The following RPS6KA3 variants were observed in gnomAD, a reference collection of about 807,000 sequenced individuals.
The protein encoded by RPS6KA3 is ribosomal protein S6 kinase alpha-3.
Under a neutral mutation model 67.2 loss-of-function variants are expected in RPS6KA3, and 4 were observed. That is an observed-to-expected ratio of 0.06 (90% CI 0.03 to 0.14). The LOEUF (loss-of-function observed/expected upper bound fraction) is 0.14, where lower values mean the gene tolerates loss of function less well. RPS6KA3 is among the 10% of genes least tolerant of loss of function. The probability of loss-of-function intolerance (pLI) is 1.00; values close to 1 mark genes in which losing one functional copy is unlikely to be tolerated. For synonymous variants in RPS6KA3, 182 were observed against 183.7 expected, an observed-to-expected ratio of 0.99 and a Z score of 0.07; for missense variants, 204 against 559.0, an observed-to-expected ratio of 0.36 and a Z score of 6.40.
intron 3 of RPS6KA3, among the ~76,000 whole-genome samples, chrX:20,204,538 A>G (rs1177124745): frequency 2.7e-5 from 3 of 112,073 alleles, no homozygotes; most frequent in Non-Finnish European, 1.9e-5. Context: ...ACAAGTATTC[A>G]CTGATGGAGG....
intron 21 of RPS6KA3, 43 bp from the exon 22 acceptor site, chrX:20,155,563 T>C: frequency 8.5e-7 from 1 of 1,170,087 alleles, no homozygotes; most frequent in East Asian, 3.0e-5. Context: ...TGACAATGGA[T>C]AGTCACACGT....
At chrX:20,264,020 G>A (rs1603433660) in intron 1 of RPS6KA3, among the ~76,000 whole-genome samples, 1 of 111,896 alleles carries the variant, frequency 8.9e-6, no homozygotes, top group East Asian at 2.8e-4. Context: ...ACCTACTGGG[G>A]GAGGAAACGG....
intron 1 of RPS6KA3, among the ~76,000 whole-genome samples, chrX:20,264,778 C>A (rs997955501): frequency 1.8e-5 from 2 of 111,997 alleles, no homozygotes; most frequent in Non-Finnish European, 3.8e-5. Context: ...TCTTGAGTTG[C>A]AATTGTTAAT....
intron 1 of RPS6KA3, among the ~76,000 whole-genome samples, chrX:20,257,182 C>T (rs767193281): frequency 2.7e-5 from 3 of 111,705 alleles, no homozygotes; most frequent in African/African-American, 9.8e-5. Flanking sequence ...TCAAGGGGGG[C>T]ACTCAATAGA....
chrX:20,169,673 T>C, intron 15 of RPS6KA3, 182 bp from the exon 16 acceptor site: 1 of 500,052 alleles, frequency 2.0e-6, no homozygotes, highest in Non-Finnish European at 3.6e-6. Flanking sequence ...TTGATATAGA[T>C]GGCAAGGCTG....
chrX:20,159,908 G>A (rs1332820733), intron 20 of RPS6KA3, among the ~76,000 whole-genome samples: 1 of 111,084 alleles, frequency 9.0e-6, no homozygotes, highest in Non-Finnish European at 1.9e-5. Context: ...ACAATCCTCA[G>A]CACGAGCCAC....
rs73193577 is a variant in RPS6KA3 at position 20,236,312 on chromosome X, C to T, written c.70-1498G>A. Among the ~76,000 whole-genome samples, 580 of 111,804 alleles carry T rather than the reference C, an allele frequency of 5.2e-3. 4 individuals carry two copies. Among genetic ancestry groups the T allele is most frequent in the Admixed American group, 8.8e-3 (93 of 10,566 alleles). On this transcript the variant is annotated intron_variant, in intron 1 of 21. Transcript: ENST00000379565. ...ACCACAAAAACGGAAGTCAGGAACA[C>T]GTAGCTTCTTCTCTCATTCCCTTAC... is the stretch of plus-strand genomic sequence containing the variant.
Position 20,190,324 on chromosome X carries a change from T to C in RPS6KA3, c.594-1790A>G, listed in dbSNP as rs1409137879. On this transcript the variant is annotated intron_variant, in intron 7 of 21. Coordinates refer to ENST00000379565, the MANE Select transcript of RPS6KA3 (RefSeq NM_004586.3). ...TTAACAGTTCATAAAATATTTGGCC[T>C]AAAAATTTAAATTTCTCCCAAGTTC... Among the ~76,000 whole-genome samples, 4 of 112,110 alleles carry C rather than the reference T, an allele frequency of 3.6e-5. No homozygotes were observed. The Admixed American group carries it at 3.8e-4, about 11-fold the overall frequency.
Position 20,155,466 on chromosome X carries a change from C to G in RPS6KA3, c.2155G>C (p.Glu719Gln). ...GCAAGAGTAGAGCGGCCTACTGGTTCCAAAACTGGTGACTGATTACGGTTC... is the reference window on the plus strand; with the variant it reads ...GCAAGAGTAGAGCGGCCTACTGGTTGCAAAACTGGTGACTGATTACGGTTC... Reference protein sequence around the residue: ...ALNRNQSPVLEPVGRSTLAQR... With the variant: ...ALNRNQSPVLQPVGRSTLAQR... The change falls in exon 22 of 22, where the codon GAA becomes CAA. Residue 719 changes from glutamate (E) to glutamine (Q), a missense_variant. Glu to Gln is a conservative substitution (Grantham distance 29). This residue lies in a region of RPS6KA3 where 73 missense variants were observed against 241.1 expected (regional missense o/e 0.30). Transcript: ENST00000379565. The G allele has an allele frequency of 8.3e-7, 1 of 1,210,606 alleles. No homozygotes were observed. Among genetic ancestry groups the G allele is most frequent in the Non-Finnish European group, 1.1e-6 (1 of 894,615 alleles).
chrX:20,206,151 T>G (rs2068569121), intron 3 of RPS6KA3, among the ~76,000 whole-genome samples: 1 of 111,764 alleles, frequency 8.9e-6, no homozygotes, highest in African/African-American at 3.3e-5. Context: ...CATCTCTTCC[T>G]CCACCAGAGC....
chrX:20,243,740 C>T (rs1025209178), intron 1 of RPS6KA3, among the ~76,000 whole-genome samples: 2 of 110,255 alleles, frequency 1.8e-5, no homozygotes, highest in Non-Finnish European at 3.8e-5. Context: ...GTGATCCACC[C>T]GTCTCGGCCT....
chrX:20,157,224 A>C (rs1391713446), intron 20 of RPS6KA3, among the ~76,000 whole-genome samples: 6 of 112,440 alleles, frequency 5.3e-5, no homozygotes, highest in Admixed American at 2.8e-4. Context: ...TTTTTCATTC[A>C]AAATACATTT....
chrX:20,236,192 T>C (rs2069406929), intron 1 of RPS6KA3, among the ~76,000 whole-genome samples: 2 of 111,837 alleles, frequency 1.8e-5, no homozygotes, highest in Admixed American at 9.5e-5. Flanking sequence ...GGTAGAATTT[T>C]AGACAATTTA....
chrX:20,192,574 GA>G (rs2068161286), intron 7 of RPS6KA3, among the ~76,000 whole-genome samples: 1 of 98,599 alleles, frequency 1.0e-5, no homozygotes. Context: ...TGAAAGACTG[GA>G]AAAAAATGTA....
chrX:20,186,069 A>AC (rs1203711269), intron 10 of RPS6KA3, among the ~76,000 whole-genome samples: 2 of 111,063 alleles, frequency 1.8e-5, no homozygotes, highest in African/African-American at 6.6e-5. Context: ...CCTCCTGAGT[A>AC]CTGCTGAGAC....
At chrX:20,260,554 G>A (rs763760547) in intron 1 of RPS6KA3, among the ~76,000 whole-genome samples, 3 of 111,332 alleles carry the variant, frequency 2.7e-5, no homozygotes, top group African/African-American at 6.5e-5. Context: ...TTTCAATTAC[G>A]TTCAGATATT....
chrX:20,251,222 T>C (rs2069854294), intron 1 of RPS6KA3, among the ~76,000 whole-genome samples: 1 of 112,190 alleles, frequency 8.9e-6, no homozygotes, highest in Admixed American at 9.4e-5. Context: ...GCCTTGACTG[T>C]CTGGGCTCAA....
At chrX:20,255,109 TAAAC>T (rs1323248255) in intron 1 of RPS6KA3, among the ~76,000 whole-genome samples, 2 of 112,061 alleles carry the variant, frequency 1.8e-5, no homozygotes, top group Admixed American at 1.9e-4. Context: ...GATAAATGGA[TAAAC>T]AAACTGTGGT....
chrX:20,240,635 A>T, intron 1 of RPS6KA3: 6 of 252,076 alleles, frequency 2.4e-5, no homozygotes, highest in Non-Finnish European at 3.3e-5. Flanking sequence ...GTGCATAAAG[A>T]CTTATGTACA....
Sources: gnomAD v4.1 joint callset for allele counts (sites outside exome capture counted in the v4.1 genomes callset) on GRCh38, gnomAD v4.1.1 for gene constraint, gnomAD v4.1.1 regional missense constraint, MANE v1.5 for transcripts, NCBI Gene and HGNC (gene_info 2026-07-23, HGNC 2026-07-21) for gene names.